The following CRISPLD2 variants were observed in gnomAD, a reference collection of about 807,000 sequenced individuals.
The protein encoded by CRISPLD2 is cysteine rich secretory protein LCCL domain containing 2, also known as cysteine-rich secretory protein LCCL domain-containing 2.
In CRISPLD2, 47 loss-of-function variants were observed where a neutral mutation model predicts 71.1. That is an observed-to-expected ratio of 0.66 (90% CI 0.52 to 0.84). CRISPLD2 has a LOEUF of 0.84. Among genes scored for constraint, CRISPLD2 ranks in the 40% least tolerant of loss-of-function variants. CRISPLD2 has a pLI of 0.00. For missense variants in CRISPLD2, 830 were observed against 651.1 expected, an observed-to-expected ratio of 1.27 and a Z score of -2.99; for synonymous variants, 317 against 250.1, an observed-to-expected ratio of 1.27 and a Z score of -2.52.
intron 1 of CRISPLD2, among the ~76,000 whole-genome samples, chr16:84,820,880 G>T (rs1018454530): frequency 3.3e-5 from 5 of 152,088 alleles, no homozygotes; most frequent in Non-Finnish European, 7.4e-5. Context: ...TCTGGAGTGT[G>T]GGGGAGATCG....
intron 14 of CRISPLD2, among the ~76,000 whole-genome samples, chr16:84,894,122 G>A (rs910501791): frequency 6.6e-6 from 1 of 152,164 alleles, no homozygotes; most frequent in Non-Finnish European, 1.5e-5. Context: ...AGGACTTCCT[G>A]GACGTTTTGA....
At chr16:84,833,570 G>A (rs1359740545) in intron 1 of CRISPLD2, among the ~76,000 whole-genome samples, 1 of 152,192 alleles carries the variant, frequency 6.6e-6, no homozygotes, top group Non-Finnish European at 1.5e-5. Flanking sequence ...CACACCCTGG[G>A]TACCGAAGTG....
intron 3 of CRISPLD2, among the ~76,000 whole-genome samples, chr16:84,847,703 G>C (rs76235486): frequency 0.023 from 3,464 of 152,198 alleles, 144 homozygotes; most frequent in African/African-American, 0.079. Context: ...CTAAAGCAGG[G>C]AGATCTGGAA....
chr16:84,852,894 C>T lies in CRISPLD2; in HGVS notation c.609-1835C>T, dbSNP rs372609096. 1.5e-3 allele frequency among the ~76,000 whole-genome samples: 229 copies of T among 152,256 alleles called. 1 individual carries two copies. Among genetic ancestry groups the T allele is most frequent in the African/African-American group, 5.4e-3 (224 of 41,556 alleles). Reference sequence around the variant, plus strand: ...CCAGCCTTGGCAACTGGCAAAACCCCATCTCCACGAAAAATACAAAAAGTT... The same window carrying T: ...CCAGCCTTGGCAACTGGCAAAACCCTATCTCCACGAAAAATACAAAAAGTT... On this transcript the variant is annotated intron_variant, in intron 5 of 14. Coordinates refer to ENST00000262424, the MANE Select transcript of CRISPLD2 (RefSeq NM_031476.4).
At position 84,872,522 on chromosome 16, in the gene CRISPLD2, G is replaced by C. The variant is rs770515424; in HGVS notation, c.981+14G>C. On this transcript the variant is annotated intron_variant, in intron 9 of 14. Coordinates refer to ENST00000262424, the MANE Select transcript of CRISPLD2 (RefSeq NM_031476.4). ...TTCTATGAAAGCGTGAGTGTGGCCA[G>C]TCCTCCTCTCAATGGCTTGTGTGGG... 1.9e-6 allele frequency: 3 copies of C among 1,609,098 alleles called. No homozygotes were observed. The highest frequency in any genetic ancestry group is 2.6e-6 in the Non-Finnish European group (3 of 1,176,318).
chr16:84,888,295 A>T (rs1369206003), intron 13 of CRISPLD2, among the ~76,000 whole-genome samples: 1 of 152,204 alleles, frequency 6.6e-6, no homozygotes, highest in Non-Finnish European at 1.5e-5. Context: ...GCACTTTGAG[A>T]GGCCAAGGCG....
intron 6 of CRISPLD2, among the ~76,000 whole-genome samples, chr16:84,864,522 G>A (rs1325314662): frequency 1.3e-5 from 2 of 152,210 alleles, no homozygotes; most frequent in Admixed American, 6.5e-5. Context: ...ACAGACACGC[G>A]CCTGGGCAGC....
chr16:84,826,908 G>A (rs1350252532), intron 1 of CRISPLD2, among the ~76,000 whole-genome samples: 2 of 152,198 alleles, frequency 1.3e-5, no homozygotes, highest in African/African-American at 2.4e-5. Flanking sequence ...GCATAATGGT[G>A]TGCTCTCTCC....
At chr16:84,881,031 C>A (rs146457248) in intron 13 of CRISPLD2, among the ~76,000 whole-genome samples, 9 of 152,246 alleles carry the variant, frequency 5.9e-5, no homozygotes, top group Non-Finnish European at 1.2e-4. Context: ...TTAGACCACT[C>A]ATTTCTGCAA....
At chr16:84,843,794 C>T (rs1361022826) in intron 2 of CRISPLD2, among the ~76,000 whole-genome samples, 3 of 152,182 alleles carry the variant, frequency 2.0e-5, no homozygotes, top group Non-Finnish European at 2.9e-5. Flanking sequence ...CCTTAGTAGC[C>T]AGACAAGAGG....
intron 1 of CRISPLD2, among the ~76,000 whole-genome samples, chr16:84,825,157 C>A (rs535449629): frequency 6.6e-6 from 1 of 151,862 alleles, no homozygotes; most frequent in South Asian, 2.1e-4. Context: ...GGAAGGTGGG[C>A]AAAACTTGGG....
At chr16:84,892,757 C>G (rs937734058) in intron 14 of CRISPLD2, among the ~76,000 whole-genome samples, 1 of 152,050 alleles carries the variant, frequency 6.6e-6, no homozygotes. Flanking sequence ...GGGCAGATCA[C>G]TTGAGGTCAG....
chr16:84,880,483 T>G, intron 12 of CRISPLD2, 26 bp from the exon 13 acceptor site: 1 of 1,599,932 alleles, frequency 6.3e-7, no homozygotes, highest in Non-Finnish European at 8.5e-7. Context: ...CTCAGACCCA[T>G]CACATAAATG....
chr16:84,904,418 T>C (rs1202598430), intron 14 of CRISPLD2, among the ~76,000 whole-genome samples: 1 of 152,014 alleles, frequency 6.6e-6, no homozygotes, highest in East Asian at 1.9e-4. Context: ...ACCCCATCTC[T>C]GCTAAAAATA....
At chr16:84,892,545 C>G (rs936536360) in intron 14 of CRISPLD2, among the ~76,000 whole-genome samples, 1 of 152,178 alleles carries the variant, frequency 6.6e-6, no homozygotes, top group Non-Finnish European at 1.5e-5. Flanking sequence ...TTGTCCAGTA[C>G]AGTAGCCACC....
chr16:84,862,843 A>T (rs1420589083), intron 6 of CRISPLD2, among the ~76,000 whole-genome samples: 1 of 151,620 alleles, frequency 6.6e-6, no homozygotes, highest in Non-Finnish European at 1.5e-5. Context: ...GTGGTCCCAG[A>T]CCCTCTGAGG....
At chr16:84,849,612 G>A in intron 4 of CRISPLD2, 95 bp downstream of exon 4, 1 of 1,356,186 alleles carries the variant, frequency 7.4e-7, no homozygotes, top group Non-Finnish European at 1.0e-6. Flanking sequence ...TAAAGCCTCT[G>A]CGCTGTTGTT....
At chr16:84,887,178 C>T (rs1196286728) in intron 13 of CRISPLD2, among the ~76,000 whole-genome samples, 4 of 152,154 alleles carry the variant, frequency 2.6e-5, no homozygotes, top group Non-Finnish European at 5.9e-5. Context: ...CAGAGGGGAG[C>T]GTTTCAGAGG....
intron 3 of CRISPLD2, among the ~76,000 whole-genome samples, chr16:84,848,883 G>C (rs578140472): frequency 2.0e-5 from 3 of 151,984 alleles, no homozygotes; most frequent in South Asian, 2.1e-4. Context: ...TTACTTGGGA[G>C]GCTGAGGCAG....
Sources: allele counts gnomAD v4.1 joint callset (sites outside exome capture counted in the v4.1 genomes callset), GRCh38; gene constraint gnomAD v4.1.1; transcripts MANE v1.5; gene names NCBI Gene and HGNC (gene_info 2026-07-23, HGNC 2026-07-21).